KIF6: variants seen among roughly 807,000 people sequenced by gnomAD.
KIF6 encodes kinesin-like protein KIF6.
A neutral mutation model predicts 112.7 loss-of-function variants in KIF6; 106 were observed. The ratio of observed to expected loss-of-function variants is 0.94; its 90% CI spans 0.80 to 1.11. The LOEUF (loss-of-function observed/expected upper bound fraction) is 1.11, where lower values mean the gene tolerates loss of function less well. Among genes scored for constraint, KIF6 ranks in the 50% least tolerant of loss-of-function variants. The pLI is 0.00. For missense variants in KIF6, 929 were observed against 964.0 expected (o/e 0.96, Z 0.48); for synonymous variants, 339 against 339.9 (o/e 1.00, Z 0.03).
chr6:39,499,349 G>C (rs1362081558), intron 13 of KIF6, among the ~76,000 whole-genome samples: 2 of 151,952 alleles, frequency 1.3e-5, no homozygotes, highest in Non-Finnish European at 2.9e-5. Flanking sequence ...TTTAAAGAAA[G>C]GGGAGGGAGA....
At chr6:39,406,928 C>CT (rs1004419847) in intron 15 of KIF6, among the ~76,000 whole-genome samples, 2 of 151,710 alleles carry the variant, frequency 1.3e-5, no homozygotes, top group African/African-American at 2.4e-5. Flanking sequence ...AAACTTTTTT[C>CT]TTTTTTTTGG....
intron 13 of KIF6, among the ~76,000 whole-genome samples, chr6:39,518,319 G>A (rs918099312): frequency 1.3e-5 from 2 of 152,148 alleles, no homozygotes; most frequent in Non-Finnish European, 2.9e-5. Flanking sequence ...ATGAAAGTAT[G>A]TACACACACA....
chr6:39,708,843 C>A (rs1789366380), intron 3 of KIF6, among the ~76,000 whole-genome samples: 1 of 151,140 alleles, frequency 6.6e-6, no homozygotes, highest in South Asian at 2.1e-4. Flanking sequence ...GATAGCCTAC[C>A]ACATATTCCA....
Position 39,475,545 on chromosome 6 carries a change from A to G in KIF6, c.1646-44384T>C, listed in dbSNP as rs144159573. ...TGTCTTCAGTCATACAGAATCTGAA[A>G]TCAGGATTCTAACCTGACATTTCAA... On this transcript the variant is annotated intron_variant, in intron 13 of 22. Coordinates refer to ENST00000287152, the MANE Select transcript of KIF6 (RefSeq NM_145027.6). Among the ~76,000 whole-genome samples, 136 of 152,358 alleles carry G rather than the reference A, an allele frequency of 8.9e-4. 1 individual carries two copies. The highest frequency in any genetic ancestry group is 3.0e-3 in the African/African-American group (126 of 41,590).
intron 13 of KIF6, among the ~76,000 whole-genome samples, chr6:39,449,315 G>A (rs977862889): frequency 3.9e-5 from 6 of 152,268 alleles, no homozygotes; most frequent in South Asian, 2.1e-4. Context: ...ACCTCCTGGC[G>A]TCATCTGGTC....
At chr6:39,590,081 G>A (rs1347072646) in intron 7 of KIF6, among the ~76,000 whole-genome samples, 1 of 151,762 alleles carries the variant, frequency 6.6e-6, no homozygotes, top group African/African-American at 2.4e-5. Context: ...AAAGGAGGTG[G>A]GGAATATGGC....
intron 13 of KIF6, among the ~76,000 whole-genome samples, chr6:39,486,357 G>A (rs1775114120): frequency 6.6e-6 from 1 of 152,154 alleles, no homozygotes; most frequent in African/African-American, 2.4e-5. Context: ...CAGGTTTCCA[G>A]TTGTCCCTTC....
intron 16 of KIF6, among the ~76,000 whole-genome samples, chr6:39,384,286 C>G (rs542921302): frequency 2.0e-5 from 3 of 152,286 alleles, no homozygotes; most frequent in South Asian, 4.1e-4. Flanking sequence ...AGGGTGAGCA[C>G]GAAGCAGGAT....
intron 10 of KIF6, chr6:39,554,739 C>T: frequency 6.1e-6 from 1 of 163,928 alleles, no homozygotes; most frequent in Non-Finnish European, 1.3e-5. Flanking sequence ...CATTCTGGAA[C>T]TCCCCGAAGA....
intron 13 of KIF6, among the ~76,000 whole-genome samples, chr6:39,437,680 A>C (rs1771620880): frequency 6.6e-6 from 1 of 152,184 alleles, no homozygotes; most frequent in Non-Finnish European, 1.5e-5. Flanking sequence ...ATTAGAGATG[A>C]ATTCCAACTC....
chr6:39,635,243 T>C (rs974622767), intron 4 of KIF6, among the ~76,000 whole-genome samples: 3 of 152,040 alleles, frequency 2.0e-5, no homozygotes, highest in Admixed American at 2.0e-4. Context: ...TGAGCCAACT[T>C]GGTTGCAGAA....
At position 39,596,298 on chromosome 6, in the gene KIF6, T is replaced by C. The variant is rs925244711; in HGVS notation, c.640-38A>G. Reference sequence around the variant, plus strand: ...TGCAAAACAAAAATTATTTGAACAATGAAAATTTTTAAAGAATATCAAAAG... The same window carrying C: ...TGCAAAACAAAAATTATTTGAACAACGAAAATTTTTAAAGAATATCAAAAG... On this transcript the variant is annotated intron_variant, in intron 6 of 22. Transcript: ENST00000287152. 3 of 1,331,804 alleles carry C rather than the reference T, an allele frequency of 2.3e-6. No homozygotes were observed. In the African/African-American group the frequency reaches 4.4e-5, roughly 19 times the overall value. The allele number at this position is 1,331,804 out of a possible 1,614,324, so 82.5% of individuals were successfully genotyped here.
Position 39,725,231 on chromosome 6 carries a change from GCTCCAGC to G in KIF6, c.66+7_66+13del, listed in dbSNP as rs767940486. 8.5e-5 allele frequency: 137 copies of G among 1,603,302 alleles called. No individual in the cohort carries two copies. The highest frequency in any genetic ancestry group is 1.1e-4 in the Non-Finnish European group (135 of 1,175,614). On this transcript the variant is annotated splice_region_variant and intron_variant, in intron 1 of 22. Transcript: ENST00000287152. ...GCCCCGCCGCGCCGGCGCCCCGGAG[GCTCCAGC>G]CCGTACCCCTTGTTGGTGCTTCCGG...
intron 15 of KIF6, 56 bp downstream of exon 15, chr6:39,419,892 G>A: frequency 6.9e-7 from 1 of 1,457,314 alleles, no homozygotes; most frequent in Non-Finnish European, 9.6e-7. Flanking sequence ...ATCATGACCT[G>A]ATTTTCACCA....
At chr6:39,502,614 G>A (rs1414951575) in intron 13 of KIF6, among the ~76,000 whole-genome samples, 1 of 152,142 alleles carries the variant, frequency 6.6e-6, no homozygotes, top group African/African-American at 2.4e-5. Flanking sequence ...CACATGCAAA[G>A]ACACATGCAG....
chr6:39,722,688 T>G (rs1004848454), intron 1 of KIF6, among the ~76,000 whole-genome samples: 2 of 152,220 alleles, frequency 1.3e-5, no homozygotes, highest in African/African-American at 4.8e-5. Context: ...GCATTTCTAG[T>G]CAGAGAAAGA....
chr6:39,505,068 C>G (rs576060583), intron 13 of KIF6, among the ~76,000 whole-genome samples: 41 of 152,228 alleles, frequency 2.7e-4, no homozygotes, highest in Middle Eastern at 3.4e-3. Flanking sequence ...AAGAACAAAG[C>G]TAGAGGCATC....
At chr6:39,521,184 A>C (rs1232753184) in intron 13 of KIF6, among the ~76,000 whole-genome samples, 1 of 152,182 alleles carries the variant, frequency 6.6e-6, no homozygotes, top group African/African-American at 2.4e-5. Flanking sequence ...GTCTGATTAC[A>C]TTATGGTCAG....
At chr6:39,679,466 T>G (rs1787373567) in intron 3 of KIF6, among the ~76,000 whole-genome samples, 1 of 152,172 alleles carries the variant, frequency 6.6e-6, no homozygotes, top group African/African-American at 2.4e-5. Flanking sequence ...GAATTTTAGA[T>G]CCTTTGGCTT....
Sources: gnomAD v4.1 joint callset for allele counts (sites outside exome capture counted in the v4.1 genomes callset) on GRCh38, gnomAD v4.1.1 for gene constraint, MANE v1.5 for transcripts, NCBI Gene and HGNC (gene_info 2026-07-23, HGNC 2026-07-21) for gene names.